ROBO1: variants seen among roughly 807,000 people sequenced by gnomAD.
ROBO1 encodes roundabout guidance receptor 1.
In ROBO1, 149 loss-of-function variants were observed where a neutral mutation model predicts 195.9. The observed-to-expected ratio is 0.76, with a 90% CI of 0.67 to 0.87. ROBO1 has a LOEUF of 0.87. Ranked by LOEUF, ROBO1 falls within the 40% of genes least tolerant of loss-of-function variation. The probability of loss-of-function intolerance (pLI) is 0.00; values close to 1 mark genes in which losing one functional copy is unlikely to be tolerated. For synonymous variants in ROBO1, 816 were observed against 733.2 expected (o/e 1.11, Z -1.82); for missense variants, 1,933 against 2,068.3 (o/e 0.93, Z 1.27).
At chr3:78,698,364 G>A (rs528379129) in intron 8 of ROBO1, among the ~76,000 whole-genome samples, 61 of 152,072 alleles carry the variant, frequency 4.0e-4, no homozygotes, top group African/African-American at 1.5e-3. Flanking sequence ...TTCTTTTGGG[G>A]GAAAAGATTG....
rs190863581 is a variant in ROBO1, at chr3:79,145,216, T to C, written c.89-19677A>G. ...AGGAGAATAATAAAACCTCAGGTAA[T>C]TTACTATAAACACCATAAAACTATA... On this transcript the variant is annotated intron_variant, in intron 2 of 30. Transcript: ENST00000464233. 5.9e-4 allele frequency among the ~76,000 whole-genome samples: 89 copies of C among 151,934 alleles called. No homozygotes were observed. In the East Asian group the frequency reaches 0.013, roughly 22 times the overall value.
chr3:78,813,569 T>G (rs1023312152), intron 4 of ROBO1, among the ~76,000 whole-genome samples: 1 of 152,134 alleles, frequency 6.6e-6, no homozygotes, highest in East Asian at 1.9e-4. Flanking sequence ...AGAATCGTTC[T>G]GTTTAACCAA....
intron 1 of ROBO1, among the ~76,000 whole-genome samples, chr3:79,756,265 T>C (rs1232596166): frequency 6.6e-6 from 1 of 151,936 alleles, no homozygotes; most frequent in Non-Finnish European, 1.5e-5. Flanking sequence ...GAAGTACACA[T>C]ATTGGGCTGG....
chr3:78,945,409 G>T (rs895603879), intron 3 of ROBO1, among the ~76,000 whole-genome samples: 1 of 152,172 alleles, frequency 6.6e-6, no homozygotes, highest in East Asian at 1.9e-4. Flanking sequence ...AGGCAAACAG[G>T]GTCTGGAGTG....
intron 2 of ROBO1, among the ~76,000 whole-genome samples, chr3:79,440,078 C>T (rs1310987245): frequency 6.6e-6 from 1 of 152,030 alleles, no homozygotes; most frequent in Non-Finnish European, 1.5e-5. Context: ...GTCCAGTATT[C>T]TCTCGTTATC....
intron 2 of ROBO1, among the ~76,000 whole-genome samples, chr3:79,294,303 C>G (rs1336933775): frequency 2.0e-5 from 3 of 152,044 alleles, no homozygotes; most frequent in African/African-American, 7.2e-5. Flanking sequence ...CACACATCTA[C>G]AACCATCTGA....
At chr3:78,708,617 A>T (rs561260744) in intron 8 of ROBO1, among the ~76,000 whole-genome samples, 1 of 152,316 alleles carries the variant, frequency 6.6e-6, no homozygotes, top group South Asian at 2.1e-4. Context: ...AAATAATATA[A>T]AAACAAACCT....
chr3:79,291,673 A>G (rs1349186123), intron 2 of ROBO1, among the ~76,000 whole-genome samples: 1 of 152,192 alleles, frequency 6.6e-6, no homozygotes. Flanking sequence ...GTCTTATTGC[A>G]GGTTGTAAAT....
intron 1 of ROBO1, among the ~76,000 whole-genome samples, chr3:79,635,680 T>C (rs1249479621): frequency 1.3e-5 from 2 of 152,164 alleles, no homozygotes; most frequent in Non-Finnish European, 2.9e-5. Context: ...AGTGGTTACA[T>C]TCAATTGTAT....
chr3:78,943,237 T>C (rs1446927065), intron 3 of ROBO1, among the ~76,000 whole-genome samples: 4 of 151,956 alleles, frequency 2.6e-5, no homozygotes, highest in African/African-American at 4.8e-5. Flanking sequence ...AGAAAGGTTT[T>C]TGTTTTGTTT....
intron 3 of ROBO1, among the ~76,000 whole-genome samples, chr3:78,961,289 T>G: frequency 6.6e-6 from 1 of 152,136 alleles, no homozygotes; most frequent in East Asian, 1.9e-4. Flanking sequence ...ATCAAAATTT[T>G]TATGGAACAT....
At chr3:79,636,890 T>C (rs1174669219) in intron 1 of ROBO1, among the ~76,000 whole-genome samples, 1 of 152,164 alleles carries the variant, frequency 6.6e-6, no homozygotes, top group African/African-American at 2.4e-5. Context: ...AAAAATACAT[T>C]TTGTAAATTA....
chr3:79,375,544 T>G (rs1323404049), intron 2 of ROBO1, among the ~76,000 whole-genome samples: 1 of 152,154 alleles, frequency 6.6e-6, no homozygotes, highest in East Asian at 1.9e-4. Flanking sequence ...TGAAGATAAT[T>G]ACATACTCTA....
chr3:78,615,778 A>C (rs991105817), intron 27 of ROBO1, among the ~76,000 whole-genome samples: 3 of 152,220 alleles, frequency 2.0e-5, no homozygotes, highest in Non-Finnish European at 4.4e-5. Flanking sequence ...ACATTTAAAG[A>C]TGATAACTGA....
chr3:78,875,891 T>C (rs2035813987), intron 4 of ROBO1, among the ~76,000 whole-genome samples: 1 of 152,200 alleles, frequency 6.6e-6, no homozygotes, highest in Admixed American at 6.5e-5. Context: ...CAATTTAAAA[T>C]CTACTTTAGT....
chr3:79,424,428 C>CATAT (rs5850426), intron 2 of ROBO1, among the ~76,000 whole-genome samples: 4 of 151,052 alleles, frequency 2.6e-5, no homozygotes, highest in Non-Finnish European at 5.9e-5. Flanking sequence ...AATATCATAT[C>CATAT]ATATATATAT....
intron 2 of ROBO1, among the ~76,000 whole-genome samples, chr3:79,165,994 C>A (rs1230862017): frequency 1.3e-5 from 2 of 152,156 alleles, no homozygotes; most frequent in Admixed American, 1.3e-4. Flanking sequence ...CAACTTCAGC[C>A]CATGCAGGAG....
intron 1 of ROBO1, among the ~76,000 whole-genome samples, chr3:79,763,569 A>G (rs1374891363): frequency 6.6e-6 from 1 of 152,158 alleles, no homozygotes; most frequent in East Asian, 1.9e-4. Flanking sequence ...GTGTGCAGAA[A>G]TGGAAAGGCA....
At chr3:79,739,633 A>G (rs1348624170) in intron 1 of ROBO1, among the ~76,000 whole-genome samples, 1 of 152,198 alleles carries the variant, frequency 6.6e-6, no homozygotes, top group Non-Finnish European at 1.5e-5. Context: ...CAGAAGATTA[A>G]AAACAAAAAT....
Sources: gnomAD v4.1 joint callset for allele counts (sites outside exome capture counted in the v4.1 genomes callset) on GRCh38, gnomAD v4.1.1 for gene constraint, MANE v1.5 for transcripts, NCBI Gene and HGNC (gene_info 2026-07-23, HGNC 2026-07-21) for gene names.